Variants in PTPRD observed in about 807,000 individuals in gnomAD.
PTPRD encodes protein tyrosine phosphatase receptor type D.
PTPRD carries 34 observed loss-of-function variants against 214.5 expected under a neutral mutation model. The observed-to-expected ratio is 0.16, with a 90% confidence interval of 0.12 to 0.21. The LOEUF is 0.21. Among genes scored for constraint, PTPRD ranks in the 10% least tolerant of loss-of-function variants. The probability of loss-of-function intolerance (pLI) is 1.00; values close to 1 mark genes in which losing one functional copy is unlikely to be tolerated. For synonymous variants in PTPRD, 1,128 were observed against 845.7 expected, an observed-to-expected ratio of 1.33 and a Z score of -5.79; for missense variants, 2,545 against 2,398.7, an observed-to-expected ratio of 1.06 and a Z score of -1.27.
intron 3 of PTPRD, among the ~76,000 whole-genome samples, chr9:10,064,603 G>A (rs1274895528): frequency 6.6e-6 from 1 of 151,804 alleles, no homozygotes; most frequent in African/African-American, 2.4e-5. Flanking sequence ...AGTATGTTTG[G>A]TCTTATTATT....
At chr9:10,520,528 C>T (rs1212341367) in intron 2 of PTPRD, among the ~76,000 whole-genome samples, 2 of 152,280 alleles carry the variant, frequency 1.3e-5, no homozygotes, top group Admixed American at 6.5e-5. Context: ...AGCTAAGATA[C>T]TTAATGGAAT....
rs894689356 is a variant in PTPRD at position 9,076,692 on chromosome 9, C to T, written c.-142-57957G>A. Among the ~76,000 whole-genome samples the T allele has an allele frequency of 7.9e-5, 12 of 151,866 alleles. No homozygotes were observed. The South Asian group carries it at 8.3e-4, about 10-fold the overall frequency. On this transcript the variant is annotated intron_variant, in intron 10 of 45. Coordinates refer to ENST00000381196, the MANE Select transcript of PTPRD (RefSeq NM_002839.4). ...TGAATGTACATTTTCTTTATCCATT[C>T]ATCTGAGGATGGACATTAGGTTGCC...
chr9:9,197,285 C>T (rs184512615), intron 9 of PTPRD, among the ~76,000 whole-genome samples: 48 of 152,184 alleles, frequency 3.2e-4, no homozygotes, highest in Middle Eastern at 6.8e-3. Context: ...TACTAAAGTC[C>T]CCATAGTTCC....
intron 7 of PTPRD, among the ~76,000 whole-genome samples, chr9:9,690,811 C>A (rs1209246112): frequency 6.6e-6 from 1 of 151,818 alleles, no homozygotes. Context: ...TATTCTGTTT[C>A]ATTGGTGTAT....
intron 12 of PTPRD, among the ~76,000 whole-genome samples, chr9:8,692,099 TCAAA>T (rs1438326240): frequency 6.6e-6 from 1 of 152,196 alleles, no homozygotes. Flanking sequence ...CTTCAGACTC[TCAAA>T]CAGCTTTGCA....
intron 8 of PTPRD, among the ~76,000 whole-genome samples, chr9:9,463,997 C>T (rs2093912144): frequency 6.6e-6 from 1 of 152,184 alleles, no homozygotes; most frequent in Non-Finnish European, 1.5e-5. Context: ...ACTAACTCCT[C>T]TTTCTTTCCA....
In PTPRD at chr9:9,826,180, T is replaced by G. The variant is rs113288665; in HGVS notation, c.-367-59329A>C. On this transcript the variant is annotated intron_variant, in intron 5 of 45. Coordinates refer to ENST00000381196, the MANE Select transcript of PTPRD (RefSeq NM_002839.4). ...GTCTTTCTACACTTTTCTTTTTACT[T>G]TCTAAAATATGACTTCCTTTAACTT... Among the ~76,000 whole-genome samples the G allele has an allele frequency of 1.3e-3, 200 of 151,902 alleles. 1 individual carries two copies. The highest frequency in any genetic ancestry group is 4.6e-3 in the African/African-American group (189 of 41,538).
At chr9:9,097,950 C>T (rs1476911390) in intron 10 of PTPRD, among the ~76,000 whole-genome samples, 1 of 152,034 alleles carries the variant, frequency 6.6e-6, no homozygotes, top group Non-Finnish European at 1.5e-5. Context: ...TGCTGACCAT[C>T]ATAAAAGATC....
intron 3 of PTPRD, among the ~76,000 whole-genome samples, chr9:10,103,395 T>TATATATATATATATATATATATATGTA (rs34926923): frequency 2.1e-4 from 24 of 116,718 alleles, no homozygotes; most frequent in Admixed American, 4.8e-4. Context: ...ATATATATAT[T>TATATATATATATATATATATATATGTA]TATTTAAGAG....
chr9:9,928,929 G>C (rs1387542394), intron 5 of PTPRD, among the ~76,000 whole-genome samples: 1 of 152,086 alleles, frequency 6.6e-6, no homozygotes, highest in South Asian at 2.1e-4. Context: ...TAAAATATTT[G>C]TAAAAGGCTT....
chr9:8,654,362 G>A (rs537182678), intron 12 of PTPRD, among the ~76,000 whole-genome samples: 1 of 152,116 alleles, frequency 6.6e-6, no homozygotes, highest in Non-Finnish European at 1.5e-5. Context: ...GCCAACAAAA[G>A]GCATGATATG....
At chr9:9,728,782 C>A (rs1177907980) in intron 7 of PTPRD, among the ~76,000 whole-genome samples, 1 of 152,038 alleles carries the variant, frequency 6.6e-6, no homozygotes, top group Non-Finnish European at 1.5e-5. Flanking sequence ...GAATGCTGTC[C>A]ATTTTCCTAT....
At chr9:8,667,725 G>C (rs1319113211) in intron 12 of PTPRD, among the ~76,000 whole-genome samples, 3 of 151,908 alleles carry the variant, frequency 2.0e-5, no homozygotes, top group Non-Finnish European at 4.4e-5. Flanking sequence ...CCATCCCCAA[G>C]ATATCTCATT....
At chr9:9,426,393 TAAAC>T (rs2080939297) in intron 8 of PTPRD, among the ~76,000 whole-genome samples, 3 of 152,208 alleles carry the variant, frequency 2.0e-5, no homozygotes, top group Non-Finnish European at 4.4e-5. Context: ...CTTGAGTAGG[TAAAC>T]AAAGCAGCTG....
chr9:9,019,773 AG>A (rs1357831692), intron 10 of PTPRD, among the ~76,000 whole-genome samples: 1 of 152,204 alleles, frequency 6.6e-6, no homozygotes, highest in Non-Finnish European at 1.5e-5. Flanking sequence ...GAAAGATACA[AG>A]TCCATGAAAG....
At chr9:9,161,423 T>C (rs1443682262) in intron 10 of PTPRD, among the ~76,000 whole-genome samples, 1 of 152,174 alleles carries the variant, frequency 6.6e-6, no homozygotes, top group Non-Finnish European at 1.5e-5. Flanking sequence ...CTTTTACTCA[T>C]ATTTTATTTG....
intron 10 of PTPRD, among the ~76,000 whole-genome samples, chr9:9,081,278 G>T (rs542573351): frequency 1.3e-5 from 2 of 152,114 alleles, no homozygotes; most frequent in Non-Finnish European, 2.9e-5. Flanking sequence ...GGAACAGGTT[G>T]TTCAGTTTCC....
intron 7 of PTPRD, among the ~76,000 whole-genome samples, chr9:9,650,515 A>G (rs1465598618): frequency 6.6e-6 from 1 of 152,006 alleles, no homozygotes; most frequent in African/African-American, 2.4e-5. Flanking sequence ...ATGCCCTGAA[A>G]TTTTCTTTTT....
intron 9 of PTPRD, among the ~76,000 whole-genome samples, chr9:9,269,108 A>G (rs1319998233): frequency 6.6e-6 from 1 of 151,434 alleles, no homozygotes. Context: ...TGCAAACCAC[A>G]TATTTAATAA....
Sources: gnomAD v4.1 joint callset for allele counts (sites outside exome capture counted in the v4.1 genomes callset) on GRCh38, gnomAD v4.1.1 for gene constraint, MANE v1.5 for transcripts, NCBI Gene and HGNC (gene_info 2026-07-23, HGNC 2026-07-21) for gene names.